The following CNBD1 variants were observed in gnomAD, a reference collection of about 807,000 sequenced individuals.
CNBD1 encodes the protein cyclic nucleotide-binding domain-containing protein 1.
Under a neutral mutation model 54.4 loss-of-function variants are expected in CNBD1, and 71 were observed. The ratio of observed to expected loss-of-function variants is 1.30; its 90% confidence interval spans 1.08 to 1.59. The LOEUF is 1.59. CNBD1 is among the 40% of genes most tolerant of loss of function. The pLI is 0.00. For missense variants in CNBD1, 659 were observed against 518.0 expected (o/e 1.27, Z -2.64); for synonymous variants, 182 against 170.7 (o/e 1.07, Z -0.51).
Position 87,077,632 on chromosome 8 carries a change from T to C in CNBD1, c.432-128361T>C, listed in dbSNP as rs943260814. Among the ~76,000 whole-genome samples, 9 of 146,504 alleles carry C rather than the reference T, an allele frequency of 6.1e-5. No homozygotes were observed. The Admixed American group carries it at 6.3e-4, about 10-fold the overall frequency. ...CCACCCTGTGTCCAAGTGTTCTTGT[T>C]GTTCAATTCCCACCTATGAGTGAGA... is the stretch of plus-strand genomic sequence containing the variant. On this transcript the variant is annotated intron_variant, in intron 4 of 10. Coordinates refer to ENST00000518476, the MANE Select transcript of CNBD1 (RefSeq NM_173538.3).
intron 4 of CNBD1, among the ~76,000 whole-genome samples, chr8:87,145,430 C>T (rs146772583): frequency 4.7e-4 from 71 of 152,004 alleles, no homozygotes; most frequent in Middle Eastern, 3.4e-3. Context: ...TTTTAAAATA[C>T]GTATTTTGGA....
At chr8:87,421,250 C>T (rs114395527) in intron 2 of CNBD1, among the ~76,000 whole-genome samples, 2,761 of 150,798 alleles carry the variant, frequency 0.018, 85 homozygotes, top group African/African-American at 0.06. Context: ...TATTTATGTT[C>T]ATTTTTTATT....
intron 4 of CNBD1, among the ~76,000 whole-genome samples, chr8:87,117,149 A>G (rs1256844303): frequency 2.0e-5 from 3 of 152,144 alleles, no homozygotes; most frequent in Non-Finnish European, 4.4e-5. Context: ...CTGTAATCTC[A>G]GCACTTTGGG....
At chr8:86,972,963 G>C (rs1808259808) in intron 4 of CNBD1, among the ~76,000 whole-genome samples, 1 of 152,114 alleles carries the variant, frequency 6.6e-6, no homozygotes. Flanking sequence ...TCCCCTCGTT[G>C]ACTTCCCTCA....
intron 5 of CNBD1, among the ~76,000 whole-genome samples, chr8:87,222,576 C>T (rs936657013): frequency 1.3e-5 from 2 of 152,122 alleles, no homozygotes; most frequent in Non-Finnish European, 2.9e-5. Context: ...GGATTCACCA[C>T]TGACAATATG....
chr8:87,217,558 A>G (rs1297445876), intron 5 of CNBD1, among the ~76,000 whole-genome samples: 1 of 138,396 alleles, frequency 7.2e-6, no homozygotes, highest in East Asian at 2.0e-4. Flanking sequence ...TTTAAGGTAG[A>G]TATTTTTTAT....
chr8:87,157,823 G>A (rs1812777218), intron 4 of CNBD1, among the ~76,000 whole-genome samples: 1 of 152,038 alleles, frequency 6.6e-6, no homozygotes, highest in Non-Finnish European at 1.5e-5. Context: ...TTTAATTTCT[G>A]AAATGCAAAA....
At chr8:86,970,763 C>T (rs1166190807) in intron 4 of CNBD1, among the ~76,000 whole-genome samples, 1 of 152,156 alleles carries the variant, frequency 6.6e-6, no homozygotes, top group South Asian at 2.1e-4. Context: ...CAGCTGCATC[C>T]ATGTTGTTGC....
intron 1 of CNBD1, among the ~76,000 whole-genome samples, chr8:86,867,089 A>T (rs1808376134): frequency 1.3e-5 from 2 of 151,884 alleles, no homozygotes; most frequent in Non-Finnish European, 2.9e-5. Flanking sequence ...TTCTAGTCTT[A>T]CTTATAAGAA....
At chr8:87,323,382 A>G (rs1809585788) in intron 8 of CNBD1, among the ~76,000 whole-genome samples, 1 of 139,402 alleles carries the variant, frequency 7.2e-6, no homozygotes, top group African/African-American at 2.7e-5. Flanking sequence ...TTGAATCTGT[A>G]AATTACCTTG....
intron 4 of CNBD1, among the ~76,000 whole-genome samples, chr8:86,956,910 T>C (rs1376842669): frequency 1.3e-5 from 2 of 152,158 alleles, no homozygotes; most frequent in South Asian, 2.1e-4. Flanking sequence ...CTTGTGCCAG[T>C]TTTCAAAGGC....
At chr8:87,367,880 A>G (rs771017463) in intron 10 of CNBD1, among the ~76,000 whole-genome samples, 6 of 152,110 alleles carry the variant, frequency 3.9e-5, no homozygotes, top group Non-Finnish European at 7.4e-5. Flanking sequence ...GGACATTAAA[A>G]GAATATGTTG....
At chr8:87,233,082 T>C (rs1052272812) in intron 5 of CNBD1, among the ~76,000 whole-genome samples, 1 of 152,194 alleles carries the variant, frequency 6.6e-6, no homozygotes, top group Admixed American at 6.5e-5. Context: ...TTTAAACCCT[T>C]TAATAGTAAC....
intron 8 of CNBD1, among the ~76,000 whole-genome samples, chr8:87,337,954 AC>A (rs138344304): frequency 0.022 from 3,274 of 151,496 alleles, 51 homozygotes; most frequent in Non-Finnish European, 0.033. Context: ...TCTATTTGTC[AC>A]CCTTGTTTTT....
At chr8:87,277,997 T>C (rs1808519326) in intron 6 of CNBD1, among the ~76,000 whole-genome samples, 1 of 151,404 alleles carries the variant, frequency 6.6e-6, no homozygotes, top group Non-Finnish European at 1.5e-5. Context: ...TTGTGAACAA[T>C]AAATAAGAAA....
At chr8:86,939,126 C>A (rs1030632932) in intron 3 of CNBD1, among the ~76,000 whole-genome samples, 67 of 151,894 alleles carry the variant, frequency 4.4e-4, no homozygotes, top group African/African-American at 1.6e-3. Context: ...TATAACATAC[C>A]ATAGCACAAG....
At chr8:87,372,460 TG>T (rs1810832721) in intron 10 of CNBD1, among the ~76,000 whole-genome samples, 1 of 151,912 alleles carries the variant, frequency 6.6e-6, no homozygotes. Flanking sequence ...TTATAATGTT[TG>T]TTCCCACTCC....
chr8:86,989,695 C>T (rs2130525128), intron 4 of CNBD1, among the ~76,000 whole-genome samples: 1 of 152,246 alleles, frequency 6.6e-6, no homozygotes, highest in African/African-American at 2.4e-5. Context: ...AGGCAATCCA[C>T]CCACCTCGGC....
chr8:86,923,458 G>A (rs1476743601), intron 3 of CNBD1, among the ~76,000 whole-genome samples: 1 of 152,064 alleles, frequency 6.6e-6, no homozygotes, highest in East Asian at 1.9e-4. Flanking sequence ...TTTCCTTTTA[G>A]TTTAACTTTT....
Sources: gnomAD v4.1 joint callset for allele counts (sites outside exome capture counted in the v4.1 genomes callset) on GRCh38, gnomAD v4.1.1 for gene constraint, MANE v1.5 for transcripts, NCBI Gene and HGNC (gene_info 2026-07-23, HGNC 2026-07-21) for gene names.